SARDH: variants seen among roughly 807,000 people sequenced by gnomAD.
SARDH encodes sarcosine dehydrogenase, mitochondrial.
A neutral mutation model predicts 109.1 loss-of-function variants in SARDH; 95 were observed. The ratio of observed to expected loss-of-function variants is 0.87; its 90% CI spans 0.74 to 1.03. The LOEUF (loss-of-function observed/expected upper bound fraction) is 1.03, where lower values mean the gene tolerates loss of function less well. Ranked by LOEUF, SARDH falls within the 50% of genes least tolerant of loss-of-function variation. The probability of loss-of-function intolerance (pLI) is 0.00; values close to 1 mark genes in which losing one functional copy is unlikely to be tolerated. For synonymous variants in SARDH, 572 were observed against 534.8 expected (o/e 1.07, Z -0.96); for missense variants, 1,267 against 1,287.8 (o/e 0.98, Z 0.25).
chr9:133,670,165 C>A (rs1830287312), intron 19 of SARDH, among the ~76,000 whole-genome samples: 2 of 152,090 alleles, frequency 1.3e-5, no homozygotes, highest in African/African-American at 4.8e-5. Flanking sequence ...CCCATCTCTA[C>A]TAAAAGTACA....
chr9:133,730,019 C>T, intron 5 of SARDH, 45 bp downstream of exon 5: 1 of 1,610,290 alleles, frequency 6.2e-7, no homozygotes, highest in Non-Finnish European at 8.5e-7. Flanking sequence ...GTTTAGGGAG[C>T]AGCCAGCATG....
chr9:133,732,384 CCAAG>C, intron 3 of SARDH, 35 bp downstream of exon 3: 1 of 1,237,600 alleles, frequency 8.1e-7, no homozygotes, highest in Non-Finnish European at 1.1e-6. Flanking sequence ...ACCCACCCAC[CCAAG>C]CCCCCCTCCT....
chr9:133,677,917 G>A (rs10993960), intron 17 of SARDH, among the ~76,000 whole-genome samples: 6,135 of 152,300 alleles, frequency 0.04, 448 homozygotes, highest in African/African-American at 0.14. Context: ...CATGTGGGGC[G>A]GGGCTGAGGC....
rs568257483 is a variant in SARDH, at chr9:133,734,614, G to A, written c.-30-411C>T. Reference sequence around the variant, plus strand: ...CAAGCTCTGGGTAGAAGTGGGGGTCGGGGCCACAAGGGGAGGTAGAGAAGA... The same window carrying A: ...CAAGCTCTGGGTAGAAGTGGGGGTCAGGGCCACAAGGGGAGGTAGAGAAGA... On this transcript the variant is annotated intron_variant, in intron 1 of 20. Coordinates refer to ENST00000439388, the MANE Select transcript of SARDH (RefSeq NM_001134707.2). 4.9e-4 allele frequency among the ~76,000 whole-genome samples: 75 copies of A among 152,336 alleles called. 2 individuals carry two copies. Among genetic ancestry groups the A allele is most frequent in the Middle Eastern group, 3.4e-3 (1 of 294 alleles).
intron 1 of SARDH, among the ~76,000 whole-genome samples, chr9:133,734,648 C>G (rs899040834): frequency 1.3e-5 from 2 of 152,102 alleles, no homozygotes; most frequent in Non-Finnish European, 2.9e-5. Flanking sequence ...GAGTGGGTGG[C>G]GTGGCTGGCA....
intron 17 of SARDH, among the ~76,000 whole-genome samples, chr9:133,684,497 C>T (rs1400634939): frequency 6.6e-6 from 1 of 152,244 alleles, no homozygotes; most frequent in Non-Finnish European, 1.5e-5. Flanking sequence ...TGCCAAGATG[C>T]CTGTTTTCCA....
At chr9:133,677,722 G>T (rs940582239) in intron 17 of SARDH, among the ~76,000 whole-genome samples, 56 of 152,328 alleles carry the variant, frequency 3.7e-4, no homozygotes, top group African/African-American at 1.2e-3. Flanking sequence ...AAGGGCTCAG[G>T]ACCCACAGGG....
At chr9:133,708,222 C>G in intron 11 of SARDH, 65 bp downstream of exon 11, 1 of 1,538,594 alleles carries the variant, frequency 6.5e-7, no homozygotes, top group Non-Finnish European at 8.8e-7. Context: ...TTCTGTCACT[C>G]CGCTGCCCTG....
chr9:133,687,963 G>A (rs1830944093), intron 16 of SARDH, among the ~76,000 whole-genome samples: 1 of 152,182 alleles, frequency 6.6e-6, no homozygotes, highest in South Asian at 2.1e-4. Flanking sequence ...GCCACCGCCT[G>A]GAGCAGCTTA....
chr9:133,716,231 T>C (rs1327260077), intron 8 of SARDH, among the ~76,000 whole-genome samples: 1 of 152,212 alleles, frequency 6.6e-6, no homozygotes, highest in East Asian at 1.9e-4. Context: ...CTGTGATCAG[T>C]GACTTGCATT....
intron 17 of SARDH, among the ~76,000 whole-genome samples, chr9:133,673,818 G>A (rs1196924908): frequency 1.3e-5 from 2 of 152,076 alleles, no homozygotes; most frequent in Non-Finnish European, 2.9e-5. Flanking sequence ...ACCTATGCAC[G>A]GCCCTCCAAT....
intron 13 of SARDH, among the ~76,000 whole-genome samples, chr9:133,698,457 T>G (rs1013220535): frequency 4.6e-5 from 7 of 152,174 alleles, no homozygotes; most frequent in Non-Finnish European, 1.0e-4. Flanking sequence ...GGGCCAATAA[T>G]ACTCAAAACA....
At chr9:133,738,606 G>C (rs549857492), upstream of SARDH, among the ~76,000 whole-genome samples, 1 of 152,214 alleles carries the variant, frequency 6.6e-6, no homozygotes, top group African/African-American at 2.4e-5. Context: ...CCTCAGGGTT[G>C]CTGCAGTAGA....
At chr9:133,690,668 T>A in intron 15 of SARDH, 141 bp from the exon 16 acceptor site, 1 of 953,080 alleles carries the variant, frequency 1.0e-6, no homozygotes, top group Non-Finnish European at 1.6e-6. Context: ...AGGAACCGTA[T>A]CTGTCCCTCC....
At chr9:133,690,622 A>G in intron 15 of SARDH, 95 bp from the exon 16 acceptor site, 1 of 1,425,640 alleles carries the variant, frequency 7.0e-7, no homozygotes, top group Non-Finnish European at 9.6e-7. Flanking sequence ...TGAGAAAACA[A>G]ATGCCCTCTC....
chr9:133,690,514 G>C lies in SARDH; in HGVS notation c.1935C>G (p.Tyr645Ter). Residue 645 changes from tyrosine to a stop codon, truncating the protein, a stop_gained, in exon 16 of 21, where the codon TAC becomes TAG. Coordinates refer to ENST00000439388, the MANE Select transcript of SARDH (RefSeq NM_001134707.2). LOFTEE classifies it high-confidence loss of function. ...GGGCCACGGCCCCGCCCATGGCCAG[G>C]TAGTAACCGTCCCCTGGAAGAGAGG... is the stretch of plus-strand genomic sequence containing the variant. ...LAPAFEGDGYYLAMGGAVAQH... is the reference protein window; with the variant it reads ...LAPAFEGDGY 2 of 1,601,922 alleles carry C rather than the reference G, an allele frequency of 1.2e-6. No individual in the cohort carries two copies. The highest frequency in any genetic ancestry group is 1.7e-6 in the Non-Finnish European group (2 of 1,176,418).
At chr9:133,730,740 G>A (rs1006970232) in intron 4 of SARDH, among the ~76,000 whole-genome samples, 2 of 152,100 alleles carry the variant, frequency 1.3e-5, no homozygotes, top group African/African-American at 4.8e-5. Flanking sequence ...GACTTTGGGA[G>A]GCCGAGGCCG....
rs569014539 is a variant in SARDH, at chr9:133,679,841, C to T, written c.2163+5352G>A. Among the ~76,000 whole-genome samples the T allele has an allele frequency of 4.6e-4, 70 of 152,332 alleles. No homozygotes were observed. In the South Asian group the frequency reaches 7.0e-3, roughly 15 times the overall value. ...GGTGGTGAGGAGGGTCTTTGGGCAG[C>T]GGCAGGCGCCCGCTCTCGCACCCGG... is the stretch of plus-strand genomic sequence containing the variant. On this transcript the variant is annotated intron_variant, in intron 17 of 20. Transcript: ENST00000439388.
chr9:133,711,828 C>T (rs1214531670), intron 10 of SARDH, among the ~76,000 whole-genome samples: 1 of 152,172 alleles, frequency 6.6e-6, no homozygotes, highest in Non-Finnish European at 1.5e-5. Context: ...TCGACAGCCA[C>T]CCCACAACGC....
Sources: gnomAD v4.1 joint callset for allele counts (sites outside exome capture counted in the v4.1 genomes callset) on GRCh38, gnomAD v4.1.1 for gene constraint, MANE v1.5 for transcripts, NCBI Gene and HGNC (gene_info 2026-07-23, HGNC 2026-07-21) for gene names.